Variants in SYNPR observed in about 807,000 individuals in gnomAD.
SYNPR encodes synaptoporin.
A neutral mutation model predicts 32.9 loss-of-function variants in SYNPR; 23 were observed. The observed-to-expected ratio is 0.70, with a 90% CI of 0.50 to 0.99. The LOEUF is 0.99. SYNPR is among the 50% of genes least tolerant of loss of function. The pLI, the probability that SYNPR is intolerant of heterozygous loss-of-function variation, is 0.00. For missense variants in SYNPR, 318 were observed against 349.3 expected, an observed-to-expected ratio of 0.91 and a Z score of 0.71; for synonymous variants, 146 against 135.9, an observed-to-expected ratio of 1.07 and a Z score of -0.52.
At chr3:63,383,861 A>G (rs1480309364) in intron 2 of SYNPR, among the ~76,000 whole-genome samples, 2 of 152,206 alleles carry the variant, frequency 1.3e-5, no homozygotes, top group Non-Finnish European at 2.9e-5. Flanking sequence ...GAAATTTGCT[A>G]AGTACTAGAT....
chr3:63,365,593 G>A (rs1388961729), intron 2 of SYNPR, among the ~76,000 whole-genome samples: 1 of 152,058 alleles, frequency 6.6e-6, no homozygotes, highest in African/African-American at 2.4e-5. Context: ...AATATCACAA[G>A]GATATAGTTC....
intron 2 of SYNPR, among the ~76,000 whole-genome samples, chr3:63,428,391 T>A (rs1371452131): frequency 6.6e-6 from 1 of 152,232 alleles, no homozygotes; most frequent in Non-Finnish European, 1.5e-5. Flanking sequence ...CTTGGGGAAA[T>A]ATTAAAATAA....
intron 2 of SYNPR, among the ~76,000 whole-genome samples, chr3:63,261,796 A>G (rs1350085659): frequency 6.7e-6 from 1 of 149,926 alleles, no homozygotes; most frequent in Non-Finnish European, 1.5e-5. Context: ...CAAACACCAC[A>G]TGTTCTCACT....
chr3:63,363,618 G>A (rs183983904), intron 2 of SYNPR, among the ~76,000 whole-genome samples: 8 of 152,254 alleles, frequency 5.3e-5, no homozygotes, highest in South Asian at 2.1e-4. Context: ...TCTGATCCTC[G>A]TTTTCTTCTC....
chr3:63,381,224 T>G (rs2087964029), intron 2 of SYNPR, among the ~76,000 whole-genome samples: 1 of 152,228 alleles, frequency 6.6e-6, no homozygotes, highest in Non-Finnish European at 1.5e-5. Flanking sequence ...ACAAAATCAA[T>G]GTACAAAAAT....
At chr3:63,600,593 A>G (rs1228214761) in intron 4 of SYNPR, among the ~76,000 whole-genome samples, 1 of 152,222 alleles carries the variant, frequency 6.6e-6, no homozygotes, top group Non-Finnish European at 1.5e-5. Flanking sequence ...ACAGGACCAG[A>G]TGGAGGTAAT....
chr3:63,311,573 C>A (rs1020592360), intron 2 of SYNPR, among the ~76,000 whole-genome samples: 2 of 151,898 alleles, frequency 1.3e-5, no homozygotes, highest in Non-Finnish European at 2.9e-5. Flanking sequence ...CATCTCAAAA[C>A]CATCCATCTC....
chr3:63,586,365 G>A (rs1475998990), intron 4 of SYNPR, among the ~76,000 whole-genome samples: 2 of 151,710 alleles, frequency 1.3e-5, no homozygotes, highest in African/African-American at 4.8e-5. Flanking sequence ...ATTGCCAAAG[G>A]TCAAATGCAG....
intron 3 of SYNPR, among the ~76,000 whole-genome samples, chr3:63,515,166 C>T (rs115820179): frequency 0.012 from 1,884 of 152,136 alleles, 35 homozygotes; most frequent in African/African-American, 0.044. Context: ...GCCCCCCCAT[C>T]TTTTCAATTT....
At chr3:63,262,221 G>T (rs973435208) in intron 2 of SYNPR, among the ~76,000 whole-genome samples, 1 of 152,210 alleles carries the variant, frequency 6.6e-6, no homozygotes, top group Non-Finnish European at 1.5e-5. Context: ...TTTAGGACTG[G>T]AACAGTGGGG....
At chr3:63,218,860 T>G in the SYNPR span, among the ~76,000 whole-genome samples, 1 of 152,138 alleles carries the variant, frequency 6.6e-6, no homozygotes, top group African/African-American at 2.4e-5. Context: ...CAAGTGTGAG[T>G]ATTGCTGGGT....
chr3:63,282,290 T>C (rs920569698), intron 2 of SYNPR, among the ~76,000 whole-genome samples: 1 of 152,230 alleles, frequency 6.6e-6, no homozygotes, highest in African/African-American at 2.4e-5. Context: ...TCGATGCATA[T>C]CATTTTTCTA....
At chr3:63,412,608 G>A (rs2088481911) in intron 2 of SYNPR, among the ~76,000 whole-genome samples, 1 of 152,238 alleles carries the variant, frequency 6.6e-6, no homozygotes, top group Non-Finnish European at 1.5e-5. Context: ...TTAGGGTTGA[G>A]GCGCAGGGAT....
At chr3:63,352,564 A>T (rs1407768697) in intron 2 of SYNPR, among the ~76,000 whole-genome samples, 1 of 152,222 alleles carries the variant, frequency 6.6e-6, no homozygotes, top group African/African-American at 2.4e-5. Flanking sequence ...GCAAATAGAA[A>T]AAAGGGGACA....
chr3:63,278,148 C>A (rs2086593553), upstream of SYNPR: 1 of 171,536 alleles, frequency 5.8e-6, no homozygotes. Flanking sequence ...CAGAGGGCAC[C>A]GGGCGCACGG....
intron 2 of SYNPR, among the ~76,000 whole-genome samples, chr3:63,473,335 G>T (rs2106680091): frequency 6.6e-6 from 1 of 152,238 alleles, no homozygotes; most frequent in South Asian, 2.1e-4. Context: ...TCATTAGCTT[G>T]TCTGTGTCTT....
chr3:63,595,802 TA>T (rs1699940587), intron 4 of SYNPR, among the ~76,000 whole-genome samples: 3 of 39,668 alleles, frequency 7.6e-5, no homozygotes, highest in African/African-American at 2.9e-4. Flanking sequence ...TATATATAGT[TA>T]TATATATATA....
intron 2 of SYNPR, among the ~76,000 whole-genome samples, chr3:63,337,319 C>T (rs957330565): frequency 1.3e-5 from 2 of 150,916 alleles, no homozygotes; most frequent in African/African-American, 2.4e-5. Context: ...AACTACATAC[C>T]TATTTACCTA....
intron 1 of SYNPR, among the ~76,000 whole-genome samples, chr3:63,230,686 A>G (rs1044728094): frequency 7.2e-5 from 11 of 152,304 alleles, no homozygotes; most frequent in African/African-American, 2.6e-4. Flanking sequence ...CTAGTTTGTA[A>G]TATTAACTAA....
Sources: allele counts gnomAD v4.1 joint callset (sites outside exome capture counted in the v4.1 genomes callset), GRCh38; gene constraint gnomAD v4.1.1; transcripts MANE v1.5; gene names NCBI Gene and HGNC (gene_info 2026-07-23, HGNC 2026-07-21).